CACNA2D3: variants seen among roughly 807,000 people sequenced by gnomAD.
CACNA2D3 encodes the protein calcium voltage-gated channel auxiliary subunit alpha2delta 3.
In CACNA2D3, 60 loss-of-function variants were observed where a neutral mutation model predicts 160.6. The observed-to-expected ratio is 0.37, with a 90% CI of 0.30 to 0.46. The LOEUF is 0.46. Ranked by LOEUF, CACNA2D3 falls within the 20% of genes least tolerant of loss-of-function variation. CACNA2D3 has a pLI of 1.00. For missense variants in CACNA2D3, 1,205 were observed against 1,365.0 expected, an observed-to-expected ratio of 0.88 and a Z score of 1.85; for synonymous variants, 558 against 492.9, an observed-to-expected ratio of 1.13 and a Z score of -1.75.
Position 54,309,148 on chromosome 3 carries a change from C to T in CACNA2D3, c.205-11294C>T, listed in dbSNP as rs76845332. Among the ~76,000 whole-genome samples, 1,411 of 152,324 alleles carry T rather than the reference C, an allele frequency of 9.3e-3. 19 individuals are homozygous for T. The highest frequency in any genetic ancestry group is 0.032 in the African/African-American group (1,349 of 41,572). Reference sequence around the variant, plus strand: ...TGCCCATGCAGGAATCTAGCGAATACTCAGGAATTGGAGTTTTTAAAATAA... The same window carrying T: ...TGCCCATGCAGGAATCTAGCGAATATTCAGGAATTGGAGTTTTTAAAATAA... On this transcript the variant is annotated intron_variant, in intron 2 of 37. Transcript: ENST00000474759.
intron 4 of CACNA2D3, among the ~76,000 whole-genome samples, chr3:54,437,796 A>G (rs1478796724): frequency 2.6e-5 from 4 of 152,228 alleles, no homozygotes; most frequent in Non-Finnish European, 1.5e-5. Flanking sequence ...CTGGTCAAAC[A>G]TGATGGTTAG....
At chr3:54,278,425 TG>T (rs1223290561) in intron 2 of CACNA2D3, among the ~76,000 whole-genome samples, 1 of 152,228 alleles carries the variant, frequency 6.6e-6, no homozygotes, top group Non-Finnish European at 1.5e-5. Flanking sequence ...GAAGTCAGTG[TG>T]GTGATTCCTC....
intron 4 of CACNA2D3, among the ~76,000 whole-genome samples, chr3:54,393,940 C>A (rs979315645): frequency 1.3e-5 from 2 of 152,192 alleles, no homozygotes; most frequent in African/African-American, 4.8e-5. Context: ...ATGCAAGCAG[C>A]AGCTAGGCTT....
intron 6 of CACNA2D3, among the ~76,000 whole-genome samples, chr3:54,565,772 C>G (rs1242026287): frequency 2.0e-5 from 3 of 152,156 alleles, no homozygotes; most frequent in Non-Finnish European, 4.4e-5. Flanking sequence ...CCAGCCTTAT[C>G]TTTCAGGGCT....
intron 4 of CACNA2D3, among the ~76,000 whole-genome samples, chr3:54,480,489 C>T (rs1700915400): frequency 6.6e-6 from 1 of 152,006 alleles, no homozygotes; most frequent in Non-Finnish European, 1.5e-5. Flanking sequence ...ATTTTTAGTT[C>T]CCCTGTAGTA....
intron 13 of CACNA2D3, among the ~76,000 whole-genome samples, chr3:54,799,980 A>G (rs1274948232): frequency 6.6e-6 from 1 of 152,212 alleles, no homozygotes; most frequent in Non-Finnish European, 1.5e-5. Context: ...CCAAGCTCAC[A>G]ATCTCAGAGG....
At chr3:55,045,826 T>G (rs999614575) in intron 35 of CACNA2D3, among the ~76,000 whole-genome samples, 1 of 152,158 alleles carries the variant, frequency 6.6e-6, no homozygotes, top group African/African-American at 2.4e-5. Context: ...TTTATTAGTT[T>G]TATTGATCAT....
intron 4 of CACNA2D3, among the ~76,000 whole-genome samples, chr3:54,486,530 C>T: frequency 6.6e-6 from 1 of 152,222 alleles, no homozygotes; most frequent in East Asian, 1.9e-4. Flanking sequence ...GACTGCCTTT[C>T]AGTATGATTT....
chr3:54,730,746 A>T (rs1575445670), intron 11 of CACNA2D3, among the ~76,000 whole-genome samples: 1 of 151,974 alleles, frequency 6.6e-6, no homozygotes, highest in Admixed American at 6.5e-5. Context: ...CAGGTGATCC[A>T]CCCGCCTTGG....
At chr3:54,973,812 G>C (rs900925631) in intron 29 of CACNA2D3, among the ~76,000 whole-genome samples, 2 of 152,190 alleles carry the variant, frequency 1.3e-5, no homozygotes, top group Non-Finnish European at 2.9e-5. Flanking sequence ...TTAATGCAAA[G>C]ATAGAGCAAA....
At chr3:54,987,821 T>C in intron 31 of CACNA2D3, 68 bp downstream of exon 31, 1 of 1,187,402 alleles carries the variant, frequency 8.4e-7, no homozygotes, top group Non-Finnish European at 1.2e-6. Flanking sequence ...CAAGCCAAGG[T>C]CAAATAAAGC....
intron 12 of CACNA2D3, among the ~76,000 whole-genome samples, chr3:54,755,940 A>G (rs1430931481): frequency 6.6e-6 from 1 of 152,202 alleles, no homozygotes; most frequent in Non-Finnish European, 1.5e-5. Flanking sequence ...GATGAAAATT[A>G]CTGAAATTGA....
At chr3:54,592,487 CA>C (rs1702879903) in intron 9 of CACNA2D3, among the ~76,000 whole-genome samples, 1 of 152,030 alleles carries the variant, frequency 6.6e-6, no homozygotes. Flanking sequence ...GAAACCATGA[CA>C]AATTGGGTGA....
intron 3 of CACNA2D3, chr3:54,367,536 C>T (rs957569359): frequency 6.4e-6 from 2 of 313,386 alleles, no homozygotes; most frequent in Non-Finnish European, 1.3e-5. Flanking sequence ...GAGTGCAGGG[C>T]TCATGAGGAA....
At chr3:54,625,249 C>T (rs1360217789) in intron 9 of CACNA2D3, among the ~76,000 whole-genome samples, 1 of 152,092 alleles carries the variant, frequency 6.6e-6, no homozygotes, top group Non-Finnish European at 1.5e-5. Context: ...ATATGTCAAG[C>T]CCATGGCAAG....
Position 55,035,121 on chromosome 3 carries a change from T to A in CACNA2D3, c.2987+16804T>A, listed in dbSNP as rs958647865. Reference sequence around the variant, plus strand: ...AATGGAGCCTAAGAGGCCTCCGCTTTTATTTCTCATATTAAGGTGCTAGGA... The same window carrying A: ...AATGGAGCCTAAGAGGCCTCCGCTTATATTTCTCATATTAAGGTGCTAGGA... On this transcript the variant is annotated intron_variant, in intron 35 of 37. Coordinates refer to ENST00000474759, the MANE Select transcript of CACNA2D3 (RefSeq NM_018398.3). 4.6e-5 allele frequency among the ~76,000 whole-genome samples: 7 copies of A among 152,334 alleles called. No homozygotes were observed. The East Asian group carries it at 9.6e-4, about 21-fold the overall frequency.
At chr3:54,179,740 GAA>G (rs2107321212) in intron 2 of CACNA2D3, among the ~76,000 whole-genome samples, 1 of 152,334 alleles carries the variant, frequency 6.6e-6, no homozygotes, top group East Asian at 1.9e-4. Context: ...GCCCTTATAA[GAA>G]GAGAGATCTG....
At chr3:54,568,658 A>G (rs1450382293) in intron 6 of CACNA2D3, among the ~76,000 whole-genome samples, 4 of 152,204 alleles carry the variant, frequency 2.6e-5, no homozygotes, top group Non-Finnish European at 5.9e-5. Context: ...GTTGTATTTT[A>G]TCTTTATTAC....
chr3:54,222,562 C>T (rs2107379547), intron 2 of CACNA2D3, among the ~76,000 whole-genome samples: 1 of 152,302 alleles, frequency 6.6e-6, no homozygotes, highest in Non-Finnish European at 1.5e-5. Flanking sequence ...ACACACTAAC[C>T]CTGTGCCCCA....
Sources: allele counts gnomAD v4.1 joint callset (sites outside exome capture counted in the v4.1 genomes callset), GRCh38; gene constraint gnomAD v4.1.1; transcripts MANE v1.5; gene names NCBI Gene and HGNC (gene_info 2026-07-23, HGNC 2026-07-21).